NTM: variants seen among roughly 807,000 people sequenced by gnomAD.
NTM encodes the protein neurotrimin, also known as IgLON family member 2.
A neutral mutation model predicts 42.1 loss-of-function variants in NTM; 13 were observed. That is an observed-to-expected ratio of 0.31 (90% CI 0.20 to 0.49). NTM has a LOEUF of 0.49. Ranked by LOEUF, NTM falls within the 20% of genes least tolerant of loss-of-function variation. The pLI, the probability that NTM is intolerant of heterozygous loss-of-function variation, is 0.99. For synonymous variants in NTM, 187 were observed against 179.2 expected, an observed-to-expected ratio of 1.04 and a Z score of -0.35; for missense variants, 373 against 452.8, an observed-to-expected ratio of 0.82 and a Z score of 1.60.
chr11:132,218,230 C>T (rs916312022), intron 4 of NTM, among the ~76,000 whole-genome samples: 7 of 152,120 alleles, frequency 4.6e-5, no homozygotes, highest in African/African-American at 7.2e-5. Flanking sequence ...CTAAAGATAT[C>T]ACCTTACCCA....
chr11:132,207,656 A>T (rs2082194306), intron 3 of NTM, among the ~76,000 whole-genome samples: 1 of 152,156 alleles, frequency 6.6e-6, no homozygotes, highest in African/African-American at 2.4e-5. Flanking sequence ...TCTAAAGTAG[A>T]CTTCTTCCAT....
chr11:131,787,445 G>A (rs2089451476), intron 1 of NTM, among the ~76,000 whole-genome samples: 1 of 151,062 alleles, frequency 6.6e-6, no homozygotes, highest in Admixed American at 6.6e-5. Context: ...AGTGGCATGA[G>A]CTCGGCTCTC....
At chr11:131,377,441 G>A (rs894420320) in intron 1 of NTM, among the ~76,000 whole-genome samples, 4 of 152,174 alleles carry the variant, frequency 2.6e-5, no homozygotes, top group Non-Finnish European at 5.9e-5. Flanking sequence ...TACCAGATAA[G>A]GCCAGGGAAG....
chr11:131,878,641 A>ATATATG (rs1565667266), intron 1 of NTM, among the ~76,000 whole-genome samples: 4 of 122,542 alleles, frequency 3.3e-5, no homozygotes, highest in Admixed American at 9.2e-5. Flanking sequence ...ATATATATAT[A>ATATATG]ATGTCTTATG....
intron 1 of NTM, among the ~76,000 whole-genome samples, chr11:131,464,734 T>C (rs1407316366): frequency 2.6e-5 from 4 of 152,166 alleles, no homozygotes; most frequent in Non-Finnish European, 5.9e-5. Flanking sequence ...GAGAACCACA[T>C]TCTGTGGAAT....
chr11:132,168,618 A>G (rs950147710), intron 3 of NTM, among the ~76,000 whole-genome samples: 4 of 152,112 alleles, frequency 2.6e-5, no homozygotes, highest in Non-Finnish European at 5.9e-5. Flanking sequence ...TTTCTCCATC[A>G]TTTGCTTTAT....
intron 1 of NTM, among the ~76,000 whole-genome samples, chr11:131,548,606 TC>T (rs1463062000): frequency 1.3e-5 from 2 of 152,192 alleles, no homozygotes; most frequent in African/African-American, 4.8e-5. Context: ...GAGTCTGCCT[TC>T]CCCATCCTGA....
intron 2 of NTM, among the ~76,000 whole-genome samples, chr11:131,994,643 C>G (rs945283006): frequency 2.6e-5 from 4 of 152,146 alleles, no homozygotes; most frequent in African/African-American, 9.7e-5. Context: ...CATAAGCACA[C>G]TAGCCTCCTG....
At chr11:131,575,464 T>C (rs1313696570) in intron 1 of NTM, among the ~76,000 whole-genome samples, 3 of 152,214 alleles carry the variant, frequency 2.0e-5, no homozygotes, top group Admixed American at 1.3e-4. Flanking sequence ...TGTTCAGTAC[T>C]GCTCTTTCCA....
chr11:131,668,548 C>T (rs1324317289), intron 1 of NTM, among the ~76,000 whole-genome samples: 3 of 152,076 alleles, frequency 2.0e-5, no homozygotes, highest in African/African-American at 7.2e-5. Flanking sequence ...GAACAAGGGG[C>T]AGGATATAAT....
chr11:132,132,613 A>G (rs917417615), intron 2 of NTM, among the ~76,000 whole-genome samples: 4 of 152,160 alleles, frequency 2.6e-5, no homozygotes, highest in South Asian at 2.1e-4. Flanking sequence ...TAACACCTCC[A>G]TGCTCCTGCG....
At chr11:132,066,921 T>C (rs2056592336) in intron 2 of NTM, among the ~76,000 whole-genome samples, 1 of 152,016 alleles carries the variant, frequency 6.6e-6, no homozygotes, top group African/African-American at 2.4e-5. Flanking sequence ...TGTCCACAGA[T>C]TCCAGGGATT....
intron 1 of NTM, among the ~76,000 whole-genome samples, chr11:131,614,601 G>C (rs2061744562): frequency 6.6e-6 from 1 of 152,168 alleles, no homozygotes; most frequent in South Asian, 2.1e-4. Flanking sequence ...CAGCTCTTCT[G>C]TGCCATTTGG....
At chr11:131,706,174 T>C (rs2076570122) in intron 1 of NTM, among the ~76,000 whole-genome samples, 1 of 151,784 alleles carries the variant, frequency 6.6e-6, no homozygotes, top group Non-Finnish European at 1.5e-5. Flanking sequence ...CAAACAAGAA[T>C]AGGAGTGGCT....
chr11:132,317,962 A>G (rs1285892689), intron 7 of NTM, among the ~76,000 whole-genome samples: 1 of 152,230 alleles, frequency 6.6e-6, no homozygotes, highest in Non-Finnish European at 1.5e-5. Context: ...ATCAGCACAA[A>G]GGCAAAGGGT....
chr11:131,908,037 G>A (rs574808546), intron 1 of NTM, among the ~76,000 whole-genome samples: 6 of 152,236 alleles, frequency 3.9e-5, no homozygotes, highest in South Asian at 4.1e-4. Flanking sequence ...GGATCCCTGC[G>A]CCCACGAAGC....
intron 4 of NTM, among the ~76,000 whole-genome samples, chr11:132,298,387 C>G (rs948653817): frequency 1.3e-5 from 2 of 152,186 alleles, no homozygotes; most frequent in Non-Finnish European, 2.9e-5. Context: ...TCCCAGACAT[C>G]AAGCTGCAAA....
intron 1 of NTM, among the ~76,000 whole-genome samples, chr11:131,811,416 A>G (rs1324392616): frequency 6.6e-6 from 1 of 152,322 alleles, no homozygotes; most frequent in East Asian, 1.9e-4. Context: ...CCCACTGACC[A>G]CTACCTCCTC....
chr11:132,299,623 C>T (rs531519948), intron 4 of NTM, among the ~76,000 whole-genome samples: 3 of 152,260 alleles, frequency 2.0e-5, no homozygotes, highest in Non-Finnish European at 4.4e-5. Flanking sequence ...CAGCATGGGC[C>T]TATTTAAGAA....
Sources: gnomAD v4.1 joint callset for allele counts (sites outside exome capture counted in the v4.1 genomes callset) on GRCh38, gnomAD v4.1.1 for gene constraint, MANE v1.5 for transcripts, NCBI Gene and HGNC (gene_info 2026-07-23, HGNC 2026-07-21) for gene names.